The following GRM5 variants were observed in gnomAD, a reference collection of about 807,000 sequenced individuals.
The protein encoded by GRM5 is metabotropic glutamate receptor 5.
A neutral mutation model predicts 83.1 loss-of-function variants in GRM5; 19 were observed. The ratio of observed to expected loss-of-function variants is 0.23; its 90% CI spans 0.16 to 0.34. GRM5 has a LOEUF of 0.34. Among genes scored for constraint, GRM5 ranks in the 10% least tolerant of loss-of-function variants. The pLI, the probability that GRM5 is intolerant of heterozygous loss-of-function variation, is 1.00. For synonymous variants in GRM5, 675 were observed against 633.6 expected, an observed-to-expected ratio of 1.07 and a Z score of -0.98; for missense variants, 1,160 against 1,588.3, an observed-to-expected ratio of 0.73 and a Z score of 4.58.
chr11:88,784,658 T>C (rs373820845), intron 3 of GRM5, among the ~76,000 whole-genome samples: 26 of 152,178 alleles, frequency 1.7e-4, no homozygotes, highest in African/African-American at 5.5e-4. Context: ...TACTGTGTTG[T>C]AATGGGTAGA....
intron 3 of GRM5, among the ~76,000 whole-genome samples, chr11:88,692,473 C>A (rs1262488189): frequency 6.6e-6 from 1 of 152,136 alleles, no homozygotes; most frequent in East Asian, 1.9e-4. Context: ...ATTCCAACCC[C>A]CCCACAGGCC....
chr11:88,805,178 T>G (rs2135491058), intron 3 of GRM5, among the ~76,000 whole-genome samples: 1 of 152,182 alleles, frequency 6.6e-6, no homozygotes, highest in South Asian at 2.1e-4. Context: ...TCCATATACT[T>G]ATTTTAATTT....
In GRM5 at chr11:88,850,003, G is replaced by C; in HGVS notation, c.814C>G (p.Arg272Gly). Residue 272 changes from arginine to glycine, a missense_variant, in exon 3 of 10, where the codon CGG becomes GGG. Transcript: ENST00000305447. The part of the protein sequence containing the change: ...KKLTSHLPKA[R>G]VVACFCEGMT... ...CCCTCACAGAAGCAGGCCACCACCCGGGCCTTGGGCAAGTGACTTGTGAGC... is the reference window on the plus strand; with the variant it reads ...CCCTCACAGAAGCAGGCCACCACCCCGGCCTTGGGCAAGTGACTTGTGAGC... 1 of 1,613,474 alleles carries C rather than the reference G, an allele frequency of 6.2e-7. No individual in the cohort carries two copies. The highest frequency in any genetic ancestry group is 8.5e-7 in the Non-Finnish European group (1 of 1,179,476).
intron 9 of GRM5, among the ~76,000 whole-genome samples, chr11:88,520,597 T>C (rs908590028): frequency 6.6e-6 from 1 of 151,852 alleles, no homozygotes. Flanking sequence ...TGTTTCTCAA[T>C]ACACTGCAGA....
rs543424744 is a variant in GRM5 at position 88,785,597 on chromosome 11, T to C, written c.911+64309A>G. On this transcript the variant is annotated intron_variant, in intron 3 of 9. Transcript: ENST00000305447. ...ACGATGTTAAAAACATGATAGAAGA[T>C]GATGTATTATCCTCGGAGACACAAC... is the stretch of plus-strand genomic sequence containing the variant. Among the ~76,000 whole-genome samples the C allele has an allele frequency of 1.1e-4, 16 of 152,210 alleles. No homozygotes were observed. In the East Asian group the frequency reaches 2.3e-3, roughly 22 times the overall value.
chr11:88,831,805 C>T (rs1943999748), intron 3 of GRM5, among the ~76,000 whole-genome samples: 2 of 152,196 alleles, frequency 1.3e-5, no homozygotes, highest in African/African-American at 4.8e-5. Context: ...ATCACCAACA[C>T]AACACCCACT....
chr11:88,884,199 A>G (rs1367697561), intron 2 of GRM5, among the ~76,000 whole-genome samples: 1 of 152,208 alleles, frequency 6.6e-6, no homozygotes, highest in African/African-American at 2.4e-5. Context: ...ACAGGGGCAG[A>G]GTTGCCCCAA....
At chr11:88,615,693 A>C (rs1276162623) in intron 4 of GRM5, among the ~76,000 whole-genome samples, 1 of 152,074 alleles carries the variant, frequency 6.6e-6, no homozygotes, top group Admixed American at 6.6e-5. Context: ...AATAGCTGGC[A>C]AGCTTAGCTT....
At chr11:88,939,704 T>C (rs886503914) in intron 2 of GRM5, among the ~76,000 whole-genome samples, 1 of 151,744 alleles carries the variant, frequency 6.6e-6, no homozygotes, top group African/African-American at 2.4e-5. Context: ...GTGCGCGTGT[T>C]TGGCGAAACA....
intron 2 of GRM5, among the ~76,000 whole-genome samples, chr11:88,957,544 A>G (rs182988084): frequency 4.8e-4 from 73 of 152,342 alleles, no homozygotes; most frequent in Middle Eastern, 3.4e-3. Flanking sequence ...GAAATGGTGT[A>G]ATGATTGGTA....
At chr11:88,574,985 CTTT>C (rs796257304) in intron 7 of GRM5, among the ~76,000 whole-genome samples, 12 of 116,160 alleles carry the variant, frequency 1.0e-4, no homozygotes, top group African/African-American at 1.3e-4. Context: ...CTTTTCTTTT[CTTT>C]TTTTTTTTTT....
chr11:88,653,886 G>T (rs1307207804), intron 3 of GRM5, among the ~76,000 whole-genome samples: 2 of 151,830 alleles, frequency 1.3e-5, no homozygotes, highest in East Asian at 1.9e-4. Flanking sequence ...CAACATTTTT[G>T]ATCAAATTTT....
intron 3 of GRM5, among the ~76,000 whole-genome samples, chr11:88,813,666 C>A (rs1365090409): frequency 6.6e-6 from 1 of 152,084 alleles, no homozygotes; most frequent in Non-Finnish European, 1.5e-5. Context: ...GAAAGTGAAA[C>A]AGACTATGAA....
chr11:88,684,998 G>A (rs577271201), intron 3 of GRM5, among the ~76,000 whole-genome samples: 3 of 152,264 alleles, frequency 2.0e-5, no homozygotes, highest in East Asian at 3.9e-4. Context: ...GGATGTTACT[G>A]AAAAGATACC....
chr11:88,715,347 C>CAGAT (rs1941377256), intron 3 of GRM5, among the ~76,000 whole-genome samples: 1 of 151,862 alleles, frequency 6.6e-6, no homozygotes, highest in African/African-American at 2.4e-5. Flanking sequence ...TGAGAAAACT[C>CAGAT]AGATTGGGAT....
At chr11:89,052,341 C>A (rs938080983) in intron 1 of GRM5, among the ~76,000 whole-genome samples, 2 of 151,812 alleles carry the variant, frequency 1.3e-5, no homozygotes, top group Non-Finnish European at 2.9e-5. Context: ...TGCTGAGGGG[C>A]CAGATTTTGG....
chr11:88,655,258 A>T lies in GRM5; in HGVS notation c.912-1855T>A, dbSNP rs1939737447. Reference sequence around the variant, plus strand: ...GATTTTATTTAAAGCTGACAAGTTGAAATGAAGTGGGCTTGTTTGCCTCAT... The same window carrying T: ...GATTTTATTTAAAGCTGACAAGTTGTAATGAAGTGGGCTTGTTTGCCTCAT... On this transcript the variant is annotated intron_variant, in intron 3 of 9. Transcript: ENST00000305447. 4.6e-5 allele frequency among the ~76,000 whole-genome samples: 7 copies of T among 152,180 alleles called. No homozygotes were observed. In the South Asian group the frequency reaches 1.5e-3, roughly 32 times the overall value.
intron 3 of GRM5, among the ~76,000 whole-genome samples, chr11:88,846,714 T>C (rs1443684699): frequency 1.3e-5 from 2 of 151,622 alleles, no homozygotes; most frequent in African/African-American, 4.9e-5. Flanking sequence ...TTCTAGTTCC[T>C]AAAGCCATTC....
At chr11:88,654,583 A>G (rs960617594) in intron 3 of GRM5, among the ~76,000 whole-genome samples, 7 of 152,112 alleles carry the variant, frequency 4.6e-5, no homozygotes, top group African/African-American at 1.7e-4. Context: ...AGAACAGACT[A>G]GAGCCTCCTA....
Sources: gnomAD v4.1 joint callset for allele counts (sites outside exome capture counted in the v4.1 genomes callset) on GRCh38, gnomAD v4.1.1 for gene constraint, MANE v1.5 for transcripts, NCBI Gene and HGNC (gene_info 2026-07-23, HGNC 2026-07-21) for gene names.